The following C8orf34 variants were observed in gnomAD, a reference collection of about 807,000 sequenced individuals.
C8orf34 encodes the protein chromosome 8 open reading frame 34.
C8orf34 carries 65 observed loss-of-function variants against 68.3 expected under a neutral mutation model. That is an observed-to-expected ratio of 0.95 (90% CI 0.78 to 1.17). C8orf34 has a LOEUF of 1.17. C8orf34 is among the 50% of genes most tolerant of loss of function. The pLI is 0.00. For missense variants in C8orf34, 664 were observed against 655.4 expected (o/e 1.01, Z -0.14); for synonymous variants, 244 against 241.2 (o/e 1.01, Z -0.11).
At chr8:68,461,122 G>A (rs1811800559) in intron 3 of C8orf34, among the ~76,000 whole-genome samples, 2 of 152,230 alleles carry the variant, frequency 1.3e-5, no homozygotes, top group Non-Finnish European at 1.5e-5. Flanking sequence ...GAAAGCCAAG[G>A]CTGGAGAACT....
chr8:68,642,785 C>T (rs2130744535), intron 8 of C8orf34, among the ~76,000 whole-genome samples: 1 of 152,260 alleles, frequency 6.6e-6, no homozygotes, highest in East Asian at 1.9e-4. Flanking sequence ...GTTTTGGCAC[C>T]AGGGACTGGT....
chr8:68,566,531 T>C (rs1816594053), intron 7 of C8orf34, among the ~76,000 whole-genome samples: 1 of 152,228 alleles, frequency 6.6e-6, no homozygotes. Context: ...CTTTCTATTA[T>C]GGAGATGGCT....
intron 11 of C8orf34, among the ~76,000 whole-genome samples, chr8:68,784,971 G>T (rs569002719): frequency 6.6e-6 from 1 of 152,162 alleles, no homozygotes; most frequent in Non-Finnish European, 1.5e-5. Flanking sequence ...CCAAGATTGG[G>T]GTCGTAGGTG....
At chr8:68,330,932 G>T (rs1252916980), upstream of C8orf34, 7 of 1,131,914 alleles carry the variant, frequency 6.2e-6, no homozygotes, top group Non-Finnish European at 8.2e-6. Context: ...GAGGAGAAAG[G>T]AACCTCTGCC....
intron 5 of C8orf34, among the ~76,000 whole-genome samples, chr8:68,499,229 G>T (rs546892506): frequency 2.7e-4 from 41 of 152,214 alleles, no homozygotes; most frequent in Non-Finnish European, 5.6e-4. Context: ...GCCTCCAGCT[G>T]CATCCATGTT....
intron 8 of C8orf34, among the ~76,000 whole-genome samples, chr8:68,695,308 T>A (rs1820798887): frequency 6.6e-6 from 1 of 152,114 alleles, no homozygotes; most frequent in African/African-American, 2.4e-5. Context: ...CCACCACGTC[T>A]GGCTAAATTT....
intron 1 of C8orf34, among the ~76,000 whole-genome samples, chr8:68,402,034 G>C (rs778072772): frequency 2.6e-4 from 39 of 152,012 alleles, no homozygotes; most frequent in Admixed American, 2.4e-3. Flanking sequence ...AAATTCACCT[G>C]GTTTTGGGCT....
intron 7 of C8orf34, among the ~76,000 whole-genome samples, chr8:68,619,394 T>A (rs1818322770): frequency 6.6e-6 from 1 of 152,132 alleles, no homozygotes; most frequent in East Asian, 1.9e-4. Flanking sequence ...CATGAGAGGC[T>A]TTTGCAGATG....
chr8:68,488,000 T>C, intron 4 of C8orf34, 23 bp from the exon 5 acceptor site: 1 of 1,565,376 alleles, frequency 6.4e-7, no homozygotes, highest in Non-Finnish European at 8.7e-7. Flanking sequence ...AACTTTTTTT[T>C]ATAAATCTCT....
chr8:68,675,578 A>AAAC (rs201346380), intron 8 of C8orf34, among the ~76,000 whole-genome samples: 349 of 152,022 alleles, frequency 2.3e-3, no homozygotes, highest in Non-Finnish European at 3.7e-3. Flanking sequence ...ATAAAAAAAA[A>AAAC]ACACACACAA....
At chr8:68,405,160 T>G (rs1327354318) in intron 1 of C8orf34, among the ~76,000 whole-genome samples, 1 of 152,150 alleles carries the variant, frequency 6.6e-6, no homozygotes, top group Non-Finnish European at 1.5e-5. Context: ...TTAAGATGGT[T>G]TGATGATCAT....
At chr8:68,526,492 G>A in intron 6 of C8orf34, among the ~76,000 whole-genome samples, 1 of 152,142 alleles carries the variant, frequency 6.6e-6, no homozygotes, top group Admixed American at 6.6e-5. Flanking sequence ...TTACTGCTCA[G>A]TTCACAGTAC....
chr8:68,528,671 C>T lies in C8orf34; in HGVS notation c.939-4312C>T, dbSNP rs553658864. ...ACGACCACCAAACTCCAGGGGCACACTGGTGCTACCCGGCAATGCAGCTGC... is the reference window on the plus strand; with the variant it reads ...ACGACCACCAAACTCCAGGGGCACATTGGTGCTACCCGGCAATGCAGCTGC... On this transcript the variant is annotated intron_variant, in intron 6 of 13. Transcript: ENST00000518698. Among the ~76,000 whole-genome samples the T allele has an allele frequency of 3.3e-4, 50 of 152,344 alleles. 1 individual carries two copies. The highest frequency in any genetic ancestry group is 1.2e-3 in the African/African-American group (50 of 41,594).
At chr8:68,499,120 T>A (rs1813656307) in intron 5 of C8orf34, among the ~76,000 whole-genome samples, 1 of 152,142 alleles carries the variant, frequency 6.6e-6, no homozygotes. Context: ...GTTGTTCCCA[T>A]CTTTATGGCC....
Position 68,410,469 on chromosome 8 carries a change from A to G in C8orf34, c.328-29030A>G, listed in dbSNP as rs1195775462. On this transcript the variant is annotated intron_variant, in intron 1 of 13. Coordinates refer to ENST00000518698, the MANE Select transcript of C8orf34 (RefSeq NM_052958.4). ...TTAAAGTATATGGGAGGATGTGCAT[A>G]AGTTATATAAAAATACTACAATGTT... Among the ~76,000 whole-genome samples the G allele has an allele frequency of 2.0e-5, 3 of 152,308 alleles. No individual in the cohort carries two copies. In the East Asian group the frequency reaches 5.8e-4, roughly 29 times the overall value.
At chr8:68,806,982 T>C (rs1445711200) in intron 12 of C8orf34, among the ~76,000 whole-genome samples, 1 of 152,228 alleles carries the variant, frequency 6.6e-6, no homozygotes, top group Non-Finnish European at 1.5e-5. Context: ...AATTGGTGGT[T>C]ACTGTTGGCT....
intron 8 of C8orf34, among the ~76,000 whole-genome samples, chr8:68,696,420 T>A (rs1189920995): frequency 6.6e-6 from 1 of 150,438 alleles, no homozygotes; most frequent in Non-Finnish European, 1.5e-5. Flanking sequence ...CCCTATTTTT[T>A]ATTACCGGTC....
intron 7 of C8orf34, among the ~76,000 whole-genome samples, chr8:68,563,395 A>T (rs1431948055): frequency 1.3e-5 from 2 of 152,184 alleles, no homozygotes; most frequent in Non-Finnish European, 2.9e-5. Context: ...TGAGTCAGGA[A>T]AATAAAGCAT....
chr8:68,346,605 T>C (rs1006563101), intron 1 of C8orf34, among the ~76,000 whole-genome samples: 1 of 152,048 alleles, frequency 6.6e-6, no homozygotes, highest in Non-Finnish European at 1.5e-5. Flanking sequence ...TATCTGTCTC[T>C]CCCTCCCCCA....
Sources: allele counts gnomAD v4.1 joint callset (sites outside exome capture counted in the v4.1 genomes callset), GRCh38; gene constraint gnomAD v4.1.1; transcripts MANE v1.5; gene names NCBI Gene and HGNC (gene_info 2026-07-23, HGNC 2026-07-21).